AP2A1: variants seen among roughly 807,000 people sequenced by gnomAD.
AP2A1 encodes adaptor related protein complex 2 subunit alpha 1, also known as AP-2 complex subunit alpha-1.
In AP2A1, 21 loss-of-function variants were observed where a neutral mutation model predicts 107.3. The observed-to-expected ratio is 0.20, with a 90% CI of 0.14 to 0.28. The LOEUF is 0.28. AP2A1 is among the 10% of genes least tolerant of loss of function. The probability of loss-of-function intolerance (pLI) is 1.00; values close to 1 mark genes in which losing one functional copy is unlikely to be tolerated. For synonymous variants in AP2A1, 602 were observed against 564.8 expected, an observed-to-expected ratio of 1.07 and a Z score of -0.93; for missense variants, 873 against 1,307.7, an observed-to-expected ratio of 0.67 and a Z score of 5.13.
chr19:49,789,490 C>T (rs1034480760), intron 4 of AP2A1, among the ~76,000 whole-genome samples: 14 of 152,046 alleles, frequency 9.2e-5, no homozygotes, highest in African/African-American at 3.4e-4. Flanking sequence ...GGGGTTTCAC[C>T]ATGTTGGCCA....
intron 4 of AP2A1, among the ~76,000 whole-genome samples, chr19:49,791,525 C>G (rs903747841): frequency 6.6e-6 from 1 of 152,164 alleles, no homozygotes; most frequent in Admixed American, 6.5e-5. Flanking sequence ...CCATGCCCAG[C>G]CCTGACAGTA....
In AP2A1 at chr19:49,795,651, G is replaced by A. The variant is rs375625262; in HGVS notation, c.727G>A (p.Asp243Asn). 38 of 1,265,154 alleles carry A rather than the reference G, an allele frequency of 3.0e-5. No homozygotes were observed. Among genetic ancestry groups the A allele is most frequent in the East Asian group, 5.8e-5 (1 of 17,212 alleles). The allele number at this position is 1,265,154 out of a possible 1,614,324, so 78.4% of individuals were successfully genotyped here. A position where few individuals can be genotyped will look rare whatever the true frequency, so the allele number is the denominator to read the frequency against. The change falls in exon 7 of 23, where the codon GAC becomes AAC. Residue 243 changes from aspartate (D) to asparagine (N), a missense_variant. By Grantham distance (23) the Asp-to-Asn change is conservative. This residue lies in a region of AP2A1 where 157 missense variants were observed against 212.6 expected (regional missense o/e 0.74). Coordinates refer to ENST00000354293, the MANE Select transcript of AP2A1 (RefSeq NM_130787.3). ...LSRIVSSAST[D>N]LQDYTYYFVP... ...CCAGATCGTCTCCTCTGCCTCCACC[G>A]ACCTCCAGGACTACACCTACTACTT...
chr19:49,805,995 C>T lies in AP2A1; in HGVS notation c.2655+54C>T, dbSNP rs552030247. On this transcript the variant is annotated intron_variant, in intron 21 of 22. Transcript: ENST00000354293. ...CTATGGCTGCTTTGCTTCTCTGAGC[C>T]TCTGTTTTCCCATCTGTAAAGTGGG... is the stretch of plus-strand genomic sequence containing the variant. 1.4e-5 allele frequency: 23 copies of T among 1,613,008 alleles called. 1 individual carries two copies. In the Middle Eastern group the frequency reaches 5.0e-4, roughly 35 times the overall value.
chr19:49,799,855 C>T, intron 10 of AP2A1, 89 bp downstream of exon 10: 2 of 1,558,220 alleles, frequency 1.3e-6, no homozygotes, highest in Non-Finnish European at 1.7e-6. Flanking sequence ...GGAGGAGGGG[C>T]TGGGGCCTGG....
Position 49,781,748 on chromosome 19 carries a change from C to G in AP2A1, c.68-9C>G. 6.3e-7 allele frequency: 1 copy of G among 1,584,290 alleles called. No homozygotes were observed. Among genetic ancestry groups the G allele is most frequent in the South Asian group, 1.2e-5 (1 of 86,848 alleles). The stretch of plus-strand genomic sequence containing the variant: ...CCCCTCACTGCCTACCCTCCTCCTC[C>G]TCTCCCAGGTAAGAGCAAAGAGGCG... On this transcript the variant is annotated splice_polypyrimidine_tract_variant and intron_variant, in intron 1 of 22. Transcript: ENST00000354293.
At position 49,781,403 on chromosome 19, in the gene AP2A1, A is replaced by G. The variant is rs996739831; in HGVS notation, c.68-354A>G. Among the ~76,000 whole-genome samples, 9 of 152,192 alleles carry G rather than the reference A, an allele frequency of 5.9e-5. No homozygotes were observed. The South Asian group carries it at 1.7e-3, about 28-fold the overall frequency. ...GGCCAGCCAAGCTCTTTATTCATTC[A>G]TTCATTCATCACATGTTCATCGCAT... On this transcript the variant is annotated intron_variant, in intron 1 of 22. Transcript: ENST00000354293.
chr19:49,776,614 A>T (rs1430283419), intron 1 of AP2A1, among the ~76,000 whole-genome samples: 1 of 145,844 alleles, frequency 6.9e-6, no homozygotes, highest in Non-Finnish European at 1.5e-5. Context: ...GCCTCCTGTG[A>T]CAGTGAGCTC....
intron 4 of AP2A1, among the ~76,000 whole-genome samples, chr19:49,783,695 C>T (rs2084704470): frequency 6.6e-6 from 1 of 152,220 alleles, no homozygotes; most frequent in Non-Finnish European, 1.5e-5. Context: ...GCTTAGAAGG[C>T]ATTTGCTGAA....
At chr19:49,772,023 A>C (rs565003918) in intron 1 of AP2A1, among the ~76,000 whole-genome samples, 7 of 152,082 alleles carry the variant, frequency 4.6e-5, no homozygotes, top group African/African-American at 1.7e-4. Context: ...TGAGGCCAGG[A>C]ATTTGAGACC....
At position 49,802,975 on chromosome 19, in the gene AP2A1, C is replaced by T. The variant is rs371119628; in HGVS notation, c.2141C>T (p.Pro714Leu). 2.5e-5 allele frequency: 41 copies of T among 1,613,384 alleles called. No homozygotes were observed. Among genetic ancestry groups the T allele is most frequent in the Non-Finnish European group, 3.2e-5 (38 of 1,179,738 alleles). The change falls in exon 16 of 23, where the codon CCC becomes CTC. Residue 714 changes from proline to leucine, a missense_variant. Transcript: ENST00000354293. ...LSPGPEDIGPPIPEADELLNK... is the reference protein window; with the variant it reads ...LSPGPEDIGPLIPEADELLNK... Reference sequence around the variant, plus strand: ...CCAGGTCCTGAGGACATCGGCCCTCCCATTCCGGAAGCCGATGAGTTGCTG... The same window carrying T: ...CCAGGTCCTGAGGACATCGGCCCTCTCATTCCGGAAGCCGATGAGTTGCTG...
chr19:49,782,422 C>T, intron 3 of AP2A1, 109 bp from the exon 4 acceptor site: 2 of 1,222,598 alleles, frequency 1.6e-6, no homozygotes, highest in Non-Finnish European at 2.2e-6. Context: ...GGGGCCTGGA[C>T]TCCTGGGTCT....
chr19:49,791,282 T>C (rs2073139543), intron 4 of AP2A1, among the ~76,000 whole-genome samples: 1 of 152,178 alleles, frequency 6.6e-6, no homozygotes, highest in Non-Finnish European at 1.5e-5. Flanking sequence ...CTAGAGGGAG[T>C]GCAGTGGCAC....
At chr19:49,787,394 C>T (rs2084755322) in intron 4 of AP2A1, among the ~76,000 whole-genome samples, 1 of 142,244 alleles carries the variant, frequency 7.0e-6, no homozygotes, top group Non-Finnish European at 1.5e-5. Flanking sequence ...GTCACCCAGG[C>T]TGGAGTGCAG....
At position 49,788,228 on chromosome 19, in the gene AP2A1, C is replaced by T. The variant is rs959116923; in HGVS notation, c.474-3707C>T. ...CTTCCCAAAGTGCTGAGATTACAGG[C>T]GTGAGCCACCGCGCCTGACTTGTGG... On this transcript the variant is annotated intron_variant, in intron 4 of 22. Transcript: ENST00000354293. The surrounding 1 kb of genome is among the most constrained non-coding windows in gnomAD (Gnocchi z 4.5). Among the ~76,000 whole-genome samples, 1 of 152,188 alleles carries T rather than the reference C, an allele frequency of 6.6e-6. No individual in the cohort carries two copies. Among genetic ancestry groups the T allele is most frequent in the Non-Finnish European group, 1.5e-5 (1 of 68,026 alleles).
rs1378580983 is a variant in AP2A1, at chr19:49,803,091, C to G, written c.2172-16C>G. On this transcript the variant is annotated splice_polypyrimidine_tract_variant and intron_variant, in intron 16 of 22. Coordinates refer to ENST00000354293, the MANE Select transcript of AP2A1 (RefSeq NM_130787.3). The stretch of plus-strand genomic sequence containing the variant: ...AGACAGGCACCCCCGTCATCTTGCG[C>G]CCCCTGCCCCCTCAGGTTTGTGTGT... The G allele has an allele frequency of 6.2e-7, 1 of 1,613,900 alleles. No individual in the cohort carries two copies. The highest frequency in any genetic ancestry group is 2.2e-5 in the East Asian group (1 of 44,876).
intron 15 of AP2A1, 89 bp downstream of exon 15, chr19:49,802,230 C>G: frequency 1.9e-6 from 2 of 1,054,754 alleles, no homozygotes; most frequent in South Asian, 1.3e-5. Context: ...CTGAGCCCCT[C>G]CCCCGCCCCC....
At chr19:49,804,630 C>T (rs1381743323) in intron 18 of AP2A1, 4 of 152,224 alleles carry the variant, frequency 2.6e-5, no homozygotes, top group Admixed American at 2.0e-4. Flanking sequence ...ACATGAGACC[C>T]AGGCCTTCCC....
intron 7 of AP2A1, chr19:49,797,504 C>T (rs1354133848): frequency 6.6e-6 from 1 of 152,194 alleles, no homozygotes; most frequent in Non-Finnish European, 1.5e-5. Context: ...GTAGAAGGAT[C>T]ACTTGAGCTC....
At position 49,781,968 on chromosome 19, in the gene AP2A1, A is replaced by G; in HGVS notation, c.158A>G (p.Tyr53Cys). 6.2e-7 allele frequency: 1 copy of G among 1,612,656 alleles called. No individual in the cohort carries two copies. The highest frequency in any genetic ancestry group is 8.5e-7 in the Non-Finnish European group (1 of 1,179,328). Residue 53 changes from tyrosine to cysteine, a missense_variant, in exon 3 of 23, where the codon TAC becomes TGC. Coordinates refer to ENST00000354293, the MANE Select transcript of AP2A1 (RefSeq NM_130787.3). ...KFKGDKALDG[Y>C]SKKKYVCKLL... is the part of the protein sequence containing the mutation. The stretch of plus-strand genomic sequence containing the variant: ...CTAGGAGACAAAGCCTTGGATGGCT[A>G]CAGTAAGAAAAAATATGTGTGTAAA...
Sources: gnomAD v4.1 joint callset for allele counts (sites outside exome capture counted in the v4.1 genomes callset) on GRCh38, gnomAD v4.1.1 for gene constraint, gnomAD v4.1.1 regional missense constraint, Gnocchi (gnomAD v3.1) non-coding constraint, MANE v1.5 for transcripts, NCBI Gene and HGNC (gene_info 2026-07-23, HGNC 2026-07-21) for gene names.